Variants in NSMCE2 observed in about 807,000 individuals in gnomAD.
NSMCE2 encodes the protein NSE2 SUMO ligase component of SMC5/6 complex.
NSMCE2 carries 24 observed loss-of-function variants against 23.8 expected under a neutral mutation model. The observed-to-expected ratio is 1.01, with a 90% CI of 0.73 to 1.42. The LOEUF (loss-of-function observed/expected upper bound fraction) is 1.42. Among genes scored for constraint, NSMCE2 ranks in the 40% most tolerant of loss-of-function variants. The pLI is 0.00. For missense variants in NSMCE2, 284 were observed against 296.5 expected, an observed-to-expected ratio of 0.96 and a Z score of 0.31; for synonymous variants, 92 against 94.1, an observed-to-expected ratio of 0.98 and a Z score of 0.13.
intron 3 of NSMCE2, chr8:125,130,290 G>A (rs189909686): frequency 2.9e-4 from 132 of 455,962 alleles, no homozygotes; most frequent in African/African-American, 2.3e-3. Flanking sequence ...TCATCAACAT[G>A]ACCAGTAATG....
intron 5 of NSMCE2, among the ~76,000 whole-genome samples, chr8:125,307,855 G>A (rs1828824191): frequency 6.6e-6 from 1 of 152,144 alleles, no homozygotes; most frequent in Non-Finnish European, 1.5e-5. Flanking sequence ...ACTGTGAGCT[G>A]GATCTCACCC....
chr8:125,092,494 CAT>C (rs1475994425), intron 1 of NSMCE2, among the ~76,000 whole-genome samples: 1 of 152,138 alleles, frequency 6.6e-6, no homozygotes, highest in Non-Finnish European at 1.5e-5. Flanking sequence ...AAGCTGCAGA[CAT>C]GTGAGCAAAT....
At position 125,156,949 on chromosome 8, in the gene NSMCE2, C is replaced by A. The variant is rs146625688; in HGVS notation, c.264+5672C>A. Among the ~76,000 whole-genome samples the A allele has an allele frequency of 2.4e-3, 366 of 152,210 alleles. 1 individual carries two copies. The highest frequency in any genetic ancestry group is 8.3e-3 in the African/African-American group (346 of 41,528). ...AGGGTATCTTGCAGGTTGGAAGTTA[C>A]CATTTTAGTTAAACCAAATTTGGGA... On this transcript the variant is annotated intron_variant, in intron 4 of 7. Transcript: ENST00000287437.
At chr8:125,166,067 T>G (rs1338015704) in intron 4 of NSMCE2, among the ~76,000 whole-genome samples, 1 of 152,166 alleles carries the variant, frequency 6.6e-6, no homozygotes, top group African/African-American at 2.4e-5. Flanking sequence ...CTCATATCCT[T>G]GGATTGCCCT....
At chr8:125,101,007 G>A (rs186790336) in intron 1 of NSMCE2, among the ~76,000 whole-genome samples, 8 of 152,318 alleles carry the variant, frequency 5.3e-5, no homozygotes, top group Admixed American at 2.6e-4. Context: ...TAAAGGAAGT[G>A]CCTGGCACTT....
intron 4 of NSMCE2, among the ~76,000 whole-genome samples, chr8:125,164,164 A>C (rs1239085539): frequency 6.6e-6 from 1 of 152,170 alleles, no homozygotes; most frequent in African/African-American, 2.4e-5. Context: ...CCCTCAGTGA[A>C]AGGGTGAGAA....
intron 3 of NSMCE2, among the ~76,000 whole-genome samples, chr8:125,130,749 CAT>C (rs760866442): frequency 2.0e-5 from 3 of 152,184 alleles, no homozygotes; most frequent in Admixed American, 6.5e-5. Flanking sequence ...TTAAGGGGAA[CAT>C]GTGTTCACAC....
Position 125,114,681 on chromosome 8 carries a change from C to T in NSMCE2, c.157+12194C>T, listed in dbSNP as rs564600853. Among the ~76,000 whole-genome samples the T allele has an allele frequency of 1.8e-4, 28 of 152,336 alleles. No homozygotes were observed. The South Asian group carries it at 2.3e-3, about 12-fold the overall frequency. On this transcript the variant is annotated intron_variant, in intron 3 of 7. Transcript: ENST00000287437. ...GCTAAACAGCCTTCAGTGAATGGGA[C>T]AGCCCCTGCACAGCAAAGAACTGTG...
intron 5 of NSMCE2, among the ~76,000 whole-genome samples, chr8:125,317,591 A>G (rs1423724231): frequency 1.3e-5 from 2 of 152,156 alleles, no homozygotes; most frequent in Non-Finnish European, 2.9e-5. Flanking sequence ...TTTGTCTTCC[A>G]TGTTTTATTA....
chr8:125,240,130 C>CA (rs528659362), intron 5 of NSMCE2, among the ~76,000 whole-genome samples: 1 of 144,196 alleles, frequency 6.9e-6, no homozygotes, highest in Admixed American at 6.9e-5. Flanking sequence ...TTTTCTTTTT[C>CA]TTTTTTTTTT....
intron 5 of NSMCE2, among the ~76,000 whole-genome samples, chr8:125,355,176 A>T (rs1813202218): frequency 6.6e-6 from 1 of 152,214 alleles, no homozygotes; most frequent in Non-Finnish European, 1.5e-5. Context: ...CAAACACCTC[A>T]TCTGGCCTAG....
intron 5 of NSMCE2, among the ~76,000 whole-genome samples, chr8:125,345,972 A>T (rs1279485956): frequency 6.6e-6 from 1 of 152,180 alleles, no homozygotes; most frequent in Non-Finnish European, 1.5e-5. Flanking sequence ...CCTGCCCAAC[A>T]TGGCAAAACC....
At chr8:125,286,798 C>T (rs2131147829) in intron 5 of NSMCE2, among the ~76,000 whole-genome samples, 1 of 150,092 alleles carries the variant, frequency 6.7e-6, no homozygotes, top group Admixed American at 6.7e-5. Flanking sequence ...AAAAAATTGC[C>T]CAAAGCCAAT....
At chr8:125,208,184 CAAG>C (rs1229699350) in intron 5 of NSMCE2, among the ~76,000 whole-genome samples, 4 of 152,134 alleles carry the variant, frequency 2.6e-5, no homozygotes, top group African/African-American at 7.2e-5. Flanking sequence ...CCCTGCAAAA[CAAG>C]GAGGTATTTG....
intron 1 of NSMCE2, among the ~76,000 whole-genome samples, chr8:125,092,794 T>A (rs1375579764): frequency 6.6e-6 from 1 of 152,210 alleles, no homozygotes; most frequent in African/African-American, 2.4e-5. Context: ...AAGAAAAAGA[T>A]CAGTGTTATT....
At chr8:125,256,722 G>A (rs1171331187) in intron 5 of NSMCE2, among the ~76,000 whole-genome samples, 5 of 151,554 alleles carry the variant, frequency 3.3e-5, no homozygotes, top group African/African-American at 7.3e-5. Flanking sequence ...TCAGGAGATC[G>A]GGACCATCCT....
intron 5 of NSMCE2, among the ~76,000 whole-genome samples, chr8:125,228,816 T>C (rs1427895836): frequency 6.6e-6 from 1 of 152,152 alleles, no homozygotes; most frequent in East Asian, 1.9e-4. Flanking sequence ...ATAAGTAGCT[T>C]AGCTCATTGA....
chr8:125,249,153 G>A (rs1407515811), intron 5 of NSMCE2, among the ~76,000 whole-genome samples: 4 of 150,724 alleles, frequency 2.7e-5, no homozygotes, highest in African/African-American at 4.9e-5. Flanking sequence ...CCTGGGTGAC[G>A]GAGCAAGACT....
At chr8:125,285,614 G>A (rs1827859756) in intron 5 of NSMCE2, among the ~76,000 whole-genome samples, 1 of 152,100 alleles carries the variant, frequency 6.6e-6, no homozygotes, top group Admixed American at 6.5e-5. Flanking sequence ...AGCTCTTAGT[G>A]TCTGGCACAT....
Sources: gnomAD v4.1 joint callset for allele counts (sites outside exome capture counted in the v4.1 genomes callset) on GRCh38, gnomAD v4.1.1 for gene constraint, MANE v1.5 for transcripts, NCBI Gene and HGNC (gene_info 2026-07-23, HGNC 2026-07-21) for gene names.